The following ODAD2 variants were observed in gnomAD, a reference collection of about 807,000 sequenced individuals.
ODAD2 encodes outer dynein arm docking complex subunit 2.
Under a neutral mutation model 106.8 loss-of-function variants are expected in ODAD2, and 89 were observed. That is an observed-to-expected ratio of 0.83 (90% CI 0.70 to 0.99). The LOEUF is 0.99. Among genes scored for constraint, ODAD2 ranks in the 50% least tolerant of loss-of-function variants. ODAD2 has a pLI of 0.00. For synonymous variants in ODAD2, 404 were observed against 436.2 expected, an observed-to-expected ratio of 0.93 and a Z score of 0.92; for missense variants, 1,168 against 1,238.5, an observed-to-expected ratio of 0.94 and a Z score of 0.85.
intron 9 of ODAD2, among the ~76,000 whole-genome samples, chr10:27,967,717 C>A (rs1293607511): frequency 6.6e-6 from 1 of 151,892 alleles, no homozygotes; most frequent in Non-Finnish European, 1.5e-5. Context: ...ATGGCAAAAC[C>A]CCGTATCTAC....
chr10:27,817,170 G>C (rs1836200945), intron 19 of ODAD2, among the ~76,000 whole-genome samples: 1 of 152,110 alleles, frequency 6.6e-6, no homozygotes, highest in Non-Finnish European at 1.5e-5. Flanking sequence ...CGAGCAGGAA[G>C]AACAGAGTAG....
intron 17 of ODAD2, among the ~76,000 whole-genome samples, chr10:27,897,864 C>G (rs1473354603): frequency 6.6e-6 from 1 of 151,940 alleles, no homozygotes; most frequent in Non-Finnish European, 1.5e-5. Flanking sequence ...CTTTCAGTAG[C>G]CTAGGATCTA....
chr10:27,892,886 C>T (rs977673108), intron 17 of ODAD2, among the ~76,000 whole-genome samples: 11 of 152,158 alleles, frequency 7.2e-5, no homozygotes, highest in African/African-American at 2.2e-4. Context: ...TGGTAACTCA[C>T]GCCTGTAATC....
chr10:27,885,995 A>G (rs1842195593), intron 17 of ODAD2, among the ~76,000 whole-genome samples: 1 of 145,774 alleles, frequency 6.9e-6, no homozygotes, highest in African/African-American at 2.5e-5. Flanking sequence ...AGGATATAAC[A>G]GCAGAAGAAG....
At chr10:27,987,667 T>C in intron 2 of ODAD2, 124 bp from the exon 3 acceptor site, 2 of 611,344 alleles carry the variant, frequency 3.3e-6, no homozygotes, top group South Asian at 3.6e-5. Context: ...TATAAATACA[T>C]CTGGTTAGTA....
At chr10:27,849,757 T>G (rs185123625) in intron 19 of ODAD2, among the ~76,000 whole-genome samples, 1 of 152,290 alleles carries the variant, frequency 6.6e-6, no homozygotes, top group African/African-American at 2.4e-5. Flanking sequence ...AAGTGCTAAA[T>G]AAATGTGAAA....
chr10:27,984,098 T>C, intron 5 of ODAD2, 86 bp downstream of exon 5: 1 of 1,477,560 alleles, frequency 6.8e-7, no homozygotes, highest in Non-Finnish European at 9.3e-7. Flanking sequence ...TTAAACCTTC[T>C]CTTGTAATGT....
At chr10:27,903,973 A>G (rs1589975041) in intron 17 of ODAD2, among the ~76,000 whole-genome samples, 1 of 152,248 alleles carries the variant, frequency 6.6e-6, no homozygotes, top group South Asian at 2.1e-4. Flanking sequence ...CCTTCTCAAG[A>G]TAATACAATC....
At chr10:27,933,922 CT>C (rs778671524) in intron 16 of ODAD2, among the ~76,000 whole-genome samples, 42 of 152,264 alleles carry the variant, frequency 2.8e-4, no homozygotes, top group African/African-American at 8.4e-4. Flanking sequence ...ACGAAGCCCC[CT>C]GATAGGATTT....
intron 9 of ODAD2, among the ~76,000 whole-genome samples, chr10:27,963,625 C>T (rs1432041084): frequency 6.6e-6 from 1 of 152,080 alleles, no homozygotes; most frequent in Non-Finnish European, 1.5e-5. Flanking sequence ...TTGCTAAGGC[C>T]TTATATGAAC....
intron 7 of ODAD2, among the ~76,000 whole-genome samples, chr10:27,974,169 G>A (rs1849038515): frequency 6.6e-6 from 1 of 152,150 alleles, no homozygotes; most frequent in Non-Finnish European, 1.5e-5. Flanking sequence ...ATGGATGCTG[G>A]ATATTAAACC....
At chr10:27,939,714 G>A (rs781570988) in intron 14 of ODAD2, among the ~76,000 whole-genome samples, 183 bp downstream of exon 14, 1 of 151,468 alleles carries the variant, frequency 6.6e-6, no homozygotes, top group Non-Finnish European at 1.5e-5. Flanking sequence ...CTCCAGCCTG[G>A]GCAACAGAGC....
intron 7 of ODAD2, among the ~76,000 whole-genome samples, chr10:27,976,166 T>C (rs2133045812): frequency 6.6e-6 from 1 of 152,252 alleles, no homozygotes. Context: ...TCAAACTTAA[T>C]TGAAAGATTT....
intron 16 of ODAD2, among the ~76,000 whole-genome samples, chr10:27,923,413 T>G (rs1844932222): frequency 1.3e-5 from 2 of 152,130 alleles, no homozygotes; most frequent in African/African-American, 4.8e-5. Flanking sequence ...AGAACAGCAC[T>G]TGAAATATCA....
chr10:27,907,680 A>C lies in ODAD2; in HGVS notation c.2593T>G (p.Cys865Gly), dbSNP rs756624052. ...KASAAWALCP[C>G]IKNAKDAGEM... is the part of the protein sequence containing the mutation. ...GTTCTTACCTTTGCATTTTTGATGC[A>C]TGGACAGAGTGCCCATGCTGCGCTG... is the stretch of plus-strand genomic sequence containing the variant. Residue 865 changes from cysteine to glycine, a missense_variant, in exon 17 of 20, where the codon TGC becomes GGC. Coordinates refer to ENST00000305242, the MANE Select transcript of ODAD2 (RefSeq NM_018076.5). 1.3e-5 allele frequency: 21 copies of C among 1,613,514 alleles called. No individual in the cohort carries two copies. The highest frequency in any genetic ancestry group is 1.7e-5 in the Non-Finnish European group (20 of 1,179,686).
rs185888359 is a variant in ODAD2, at chr10:27,969,339, T to C, written c.1143-321A>G. ...CGCCGCCAATTATAGTTTTCTATTT[T>C]CTTATCTTCCCCACCCAACGTTGCA... On this transcript the variant is annotated intron_variant, in intron 8 of 19. Transcript: ENST00000305242. Among the ~76,000 whole-genome samples, 162 of 152,188 alleles carry C rather than the reference T, an allele frequency of 1.1e-3. No individual in the cohort carries two copies. The East Asian group carries it at 0.026, about 25-fold the overall frequency.
chr10:27,975,058 G>A (rs188078479), intron 7 of ODAD2, among the ~76,000 whole-genome samples: 1 of 152,238 alleles, frequency 6.6e-6, no homozygotes, highest in East Asian at 1.9e-4. Flanking sequence ...TTGGCGTACA[G>A]GAATTCTGGT....
At position 27,946,033 on chromosome 10, in the gene ODAD2, C is replaced by T. The variant is rs931465472; in HGVS notation, c.1387-1071G>A. 8.7e-5 allele frequency among the ~76,000 whole-genome samples: 13 copies of T among 149,174 alleles called. No homozygotes were observed. In the East Asian group the frequency reaches 1.6e-3, roughly 18 times the overall value. On this transcript the variant is annotated intron_variant, in intron 10 of 19. Transcript: ENST00000305242. The stretch of plus-strand genomic sequence containing the variant: ...GTGTATATATATATAATTATGTATA[C>T]AAATAGATTATATATATAATAGATA...
At chr10:27,961,192 G>A (rs969967619) in intron 10 of ODAD2, among the ~76,000 whole-genome samples, 18 of 152,124 alleles carry the variant, frequency 1.2e-4, no homozygotes, top group African/African-American at 4.3e-4. Flanking sequence ...AAACTGTAAC[G>A]TTTCAACAGC....
Sources: allele counts gnomAD v4.1 joint callset (sites outside exome capture counted in the v4.1 genomes callset), GRCh38; gene constraint gnomAD v4.1.1; transcripts MANE v1.5; gene names NCBI Gene and HGNC (gene_info 2026-07-23, HGNC 2026-07-21).